STAU2: variants seen among roughly 807,000 people sequenced by gnomAD.
STAU2 encodes the protein double-stranded RNA-binding protein Staufen homolog 2.
Under a neutral mutation model 65.9 loss-of-function variants are expected in STAU2, and 20 were observed. The ratio of observed to expected loss-of-function variants is 0.30; its 90% CI spans 0.21 to 0.44. STAU2 has a LOEUF of 0.44. Ranked by LOEUF, STAU2 falls within the 20% of genes least tolerant of loss-of-function variation. The pLI, the probability that STAU2 is intolerant of heterozygous loss-of-function variation, is 1.00. For missense variants in STAU2, 558 were observed against 683.9 expected, an observed-to-expected ratio of 0.82 and a Z score of 2.05; for synonymous variants, 232 against 233.9, an observed-to-expected ratio of 0.99 and a Z score of 0.07.
intron 9 of STAU2, among the ~76,000 whole-genome samples, chr8:73,605,696 A>G (rs550957053): frequency 1.7e-4 from 26 of 150,336 alleles, no homozygotes; most frequent in Non-Finnish European, 3.0e-4. Context: ...ATTTTGGGGG[A>G]AAAAAAAAGA....
chr8:73,708,923 A>C, intron 4 of STAU2, 109 bp downstream of exon 4: 2 of 1,067,844 alleles, frequency 1.9e-6, no homozygotes, highest in Non-Finnish European at 2.5e-6. Context: ...AAAAGCCTTC[A>C]AGCCATCTGC....
chr8:73,523,078 C>T (rs902892124), intron 13 of STAU2, among the ~76,000 whole-genome samples: 1 of 151,624 alleles, frequency 6.6e-6, no homozygotes, highest in Non-Finnish European at 1.5e-5. Context: ...CACCTGTAAT[C>T]CCAGCTACTC....
intron 3 of STAU2, among the ~76,000 whole-genome samples, chr8:73,717,934 T>G (rs1317422932): frequency 6.6e-6 from 1 of 152,230 alleles, no homozygotes. Flanking sequence ...GATTGAAATA[T>G]AAGTCTCTTA....
intron 4 of STAU2, among the ~76,000 whole-genome samples, chr8:73,699,617 C>T (rs181856306): frequency 1.2e-4 from 18 of 151,888 alleles, no homozygotes; most frequent in Admixed American, 6.6e-4. Flanking sequence ...AGATTGAACC[C>T]GGAAGAAATC....
Position 73,578,058 on chromosome 8 carries a change from C to T in STAU2, c.1222+4712G>A, listed in dbSNP as rs537639305. On this transcript the variant is annotated intron_variant, in intron 12 of 14. Coordinates refer to ENST00000524300, the MANE Select transcript of STAU2 (RefSeq NM_001164380.2). ...ATCTTTTTTACTTTATGGTTTCATC[C>T]GTTGCTCTTATGCTTAGAAAAACTA... 1.6e-4 allele frequency among the ~76,000 whole-genome samples: 25 copies of T among 151,914 alleles called. No homozygotes were observed. In the South Asian group the frequency reaches 3.7e-3, roughly 23 times the overall value.
chr8:73,536,369 C>T (rs191792066), intron 13 of STAU2, among the ~76,000 whole-genome samples: 2 of 152,272 alleles, frequency 1.3e-5, no homozygotes, highest in East Asian at 3.9e-4. Context: ...AAAGTCTGCT[C>T]TTTCTAACCA....
intron 13 of STAU2, among the ~76,000 whole-genome samples, chr8:73,475,320 T>C (rs945213928): frequency 4.6e-5 from 7 of 152,272 alleles, no homozygotes; most frequent in African/African-American, 1.4e-4. Context: ...AGGATTCAGT[T>C]AGACTTGCTT....
At chr8:73,702,467 T>C (rs887424845) in intron 4 of STAU2, among the ~76,000 whole-genome samples, 16 of 152,100 alleles carry the variant, frequency 1.1e-4, no homozygotes, top group South Asian at 4.1e-4. Flanking sequence ...ACATGCAACA[T>C]ACCAAATACG....
intron 13 of STAU2, among the ~76,000 whole-genome samples, chr8:73,530,041 T>G (rs1346523595): frequency 6.6e-6 from 1 of 152,142 alleles, no homozygotes; most frequent in East Asian, 1.9e-4. Context: ...GCCAACCTGC[T>G]GTTTGGAGTA....
At chr8:73,449,219 A>G (rs2128894305) in intron 13 of STAU2, among the ~76,000 whole-genome samples, 1 of 152,316 alleles carries the variant, frequency 6.6e-6, no homozygotes, top group Non-Finnish European at 1.5e-5. Flanking sequence ...ACAGACCGCC[A>G]CTGAATCAAC....
intron 9 of STAU2, among the ~76,000 whole-genome samples, chr8:73,608,031 C>T (rs545273142): frequency 1.1e-4 from 17 of 152,224 alleles, no homozygotes; most frequent in Middle Eastern, 3.4e-3. Context: ...GTTTGGTGCT[C>T]CAGGTACAGC....
intron 13 of STAU2, among the ~76,000 whole-genome samples, chr8:73,546,128 T>C (rs1400847999): frequency 2.4e-4 from 28 of 119,018 alleles, no homozygotes; most frequent in African/African-American, 9.1e-4. Flanking sequence ...GTTTTCTTTT[T>C]TTTTTTTTTT....
At chr8:73,661,137 G>A (rs576415132) in intron 6 of STAU2, among the ~76,000 whole-genome samples, 3 of 152,020 alleles carry the variant, frequency 2.0e-5, no homozygotes, top group South Asian at 2.1e-4. Flanking sequence ...ATTAGAAGTC[G>A]AATAACCTGC....
chr8:73,692,413 G>C (rs1819392275), intron 4 of STAU2, among the ~76,000 whole-genome samples: 1 of 151,934 alleles, frequency 6.6e-6, no homozygotes, highest in Admixed American at 6.6e-5. Flanking sequence ...GGCCAGGCTG[G>C]TCTCGAACTC....
intron 12 of STAU2, among the ~76,000 whole-genome samples, chr8:73,552,886 G>A (rs11777739): frequency 0.02 from 2,998 of 152,260 alleles, 34 homozygotes; most frequent in Middle Eastern, 0.031. Context: ...AACTAGCACT[G>A]TCTCTAACTT....
At chr8:73,661,822 A>G (rs940236667) in intron 6 of STAU2, among the ~76,000 whole-genome samples, 1 of 152,210 alleles carries the variant, frequency 6.6e-6, no homozygotes, top group Non-Finnish European at 1.5e-5. Flanking sequence ...ATTACAGTGT[A>G]ACCATTTACC....
intron 3 of STAU2, among the ~76,000 whole-genome samples, chr8:73,712,859 G>A (rs1413408344): frequency 6.6e-6 from 1 of 152,214 alleles, no homozygotes; most frequent in Non-Finnish European, 1.5e-5. Flanking sequence ...AGAAGGCTGA[G>A]ATAGAAGGAT....
At chr8:73,737,963 G>A (rs1806563964) in intron 3 of STAU2, among the ~76,000 whole-genome samples, 1 of 151,278 alleles carries the variant, frequency 6.6e-6, no homozygotes, top group Admixed American at 6.6e-5. Flanking sequence ...CTTTGAGTCT[G>A]CAGAACTGCC....
In STAU2 at chr8:73,619,081, T is replaced by C. The variant is rs117910907; in HGVS notation, c.411-1630A>G. On this transcript the variant is annotated intron_variant, in intron 6 of 14. Coordinates refer to ENST00000524300, the MANE Select transcript of STAU2 (RefSeq NM_001164380.2). ...ATTAGTCTGGACTTCAGGAAAGAGG[T>C]CCAAGATAGAAATAATATTTGGGAA... Among the ~76,000 whole-genome samples, 740 of 152,218 alleles carry C rather than the reference T, an allele frequency of 4.9e-3. 1 individual carries two copies. The highest frequency in any genetic ancestry group is 7.7e-3 in the Non-Finnish European group (523 of 68,018).
Sources: allele counts gnomAD v4.1 joint callset (sites outside exome capture counted in the v4.1 genomes callset), GRCh38; gene constraint gnomAD v4.1.1; transcripts MANE v1.5; gene names NCBI Gene and HGNC (gene_info 2026-07-23, HGNC 2026-07-21).